The following OR3A2 variants were observed in gnomAD, a reference collection of about 807,000 sequenced individuals.
OR3A2 encodes olfactory receptor family 3 subfamily A member 2, also known as olfactory receptor 3A2.
For missense variants in OR3A2, 318 were observed against 392.8 expected, an observed-to-expected ratio of 0.81 and a Z score of 1.61; for synonymous variants, 126 against 159.3, an observed-to-expected ratio of 0.79 and a Z score of 1.57.
chr17:3,298,540 T>A (rs990500835), intron 3 of OR3A2, among the ~76,000 whole-genome samples: 1 of 152,326 alleles, frequency 6.6e-6, no homozygotes, highest in East Asian at 1.9e-4. Context: ...AGGACGGGCA[T>A]TGGCAACGTG....
chr17:3,332,542 C>T (rs1460500349), intron 3 of OR3A2, among the ~76,000 whole-genome samples: 1 of 152,226 alleles, frequency 6.6e-6, no homozygotes, highest in Non-Finnish European at 1.5e-5. Context: ...TGAGGCAATG[C>T]CTCGCCCTGC....
At chr17:3,343,895 C>T (rs370654810) in intron 2 of OR3A2, among the ~76,000 whole-genome samples, 51 of 152,326 alleles carry the variant, frequency 3.3e-4, no homozygotes, top group Non-Finnish European at 6.6e-4. Flanking sequence ...AACCTAGATT[C>T]ATGCCAACCA....
rs544871842 is a variant in OR3A2, at chr17:3,349,418, A to T, written c.-178-13292T>A. 5.0e-3 allele frequency among the ~76,000 whole-genome samples: 764 copies of T among 151,780 alleles called. 3 individuals are homozygous for T. The highest frequency in any genetic ancestry group is 0.018 in the African/African-American group (729 of 41,454). ...TAAAACAGACTTTAAACCAACAAAG[A>T]TCAAAAGAGACAAAGAAGGCCATTA... is the stretch of plus-strand genomic sequence containing the variant. On this transcript the variant is annotated intron_variant, in intron 2 of 4. Coordinates refer to the OR3A2 transcript ENST00000573491.
At chr17:3,309,514 A>G (rs1052593226) in intron 3 of OR3A2, among the ~76,000 whole-genome samples, 2 of 152,120 alleles carry the variant, frequency 1.3e-5, no homozygotes, top group African/African-American at 4.8e-5. Context: ...CCCACCTGGG[A>G]GCCTAAGCCT....
At chr17:3,358,779 T>C (rs1359368492) in intron 2 of OR3A2, among the ~76,000 whole-genome samples, 3 of 151,794 alleles carry the variant, frequency 2.0e-5, no homozygotes, top group Admixed American at 6.6e-5. Flanking sequence ...GAGTTTTGTA[T>C]AGAAGTCTAT....
chr17:3,340,029 A>G (rs1010191927), intron 2 of OR3A2, among the ~76,000 whole-genome samples: 7 of 151,936 alleles, frequency 4.6e-5, no homozygotes, highest in Admixed American at 3.3e-4. Flanking sequence ...AAATTTATCC[A>G]TTTCTTCTAG....
At chr17:3,340,852 G>A (rs886076032) in intron 2 of OR3A2, among the ~76,000 whole-genome samples, 4 of 152,182 alleles carry the variant, frequency 2.6e-5, no homozygotes, top group African/African-American at 9.7e-5. Flanking sequence ...TCTGTCTAAT[G>A]TTGACAGTGG....
At chr17:3,312,685 C>T (rs1394931436) in intron 3 of OR3A2, among the ~76,000 whole-genome samples, 1 of 152,164 alleles carries the variant, frequency 6.6e-6, no homozygotes, top group Non-Finnish European at 1.5e-5. Context: ...AGTGCAGCGG[C>T]ACGATCTTGG....
At chr17:3,338,406 C>T (rs570404240) in intron 2 of OR3A2, among the ~76,000 whole-genome samples, 23 of 151,946 alleles carry the variant, frequency 1.5e-4, no homozygotes, top group African/African-American at 4.8e-4. Flanking sequence ...TGGTTTTAGG[C>T]CTAATATTTA....
intron 2 of OR3A2, among the ~76,000 whole-genome samples, chr17:3,341,709 T>A (rs2049320507): frequency 6.6e-6 from 1 of 152,180 alleles, no homozygotes. Flanking sequence ...TTTTCTTTCA[T>A]TTCAACCTTG....
intron 3 of OR3A2, among the ~76,000 whole-genome samples, chr17:3,305,857 T>C (rs975007704): frequency 6.6e-6 from 1 of 152,248 alleles, no homozygotes; most frequent in African/African-American, 2.4e-5. Flanking sequence ...GTGGTAATTA[T>C]TTGGTTCGTG....
In OR3A2 at chr17:3,311,601, G is replaced by T; in HGVS notation, c.-85+24432C>A. On this transcript the variant is annotated intron_variant, in intron 3 of 4. Transcript: ENST00000573491. The surrounding 1 kb of genome is among the most constrained non-coding windows in gnomAD (Gnocchi z 4.6). Reference sequence around the variant, plus strand: ...TCAATGGGCAGCTGCTGCTTGTGGGGGCCACCTTCATAGGAGTGATCCCCA... The same window carrying T: ...TCAATGGGCAGCTGCTGCTTGTGGGTGCCACCTTCATAGGAGTGATCCCCA... The T allele has an allele frequency of 2.5e-6, 1 of 395,418 alleles. No homozygotes were observed. Among genetic ancestry groups the T allele is most frequent in the East Asian group, 6.2e-5 (1 of 16,180 alleles). The allele number at this position is 395,418 out of a possible 1,614,324, so 24.5% of individuals were successfully genotyped here. A position where few individuals can be genotyped will look rare whatever the true frequency, so the allele number is the denominator to read the frequency against.
exon 2 of OR3A2, chr17:3,277,781 G>T: frequency 1.6e-6 from 1 of 624,506 alleles, no homozygotes; most frequent in Non-Finnish European, 2.7e-6. Context: ...GATCATAGAG[G>T]TACTCTAATA....
At chr17:3,347,531 G>A (rs898593082) in intron 2 of OR3A2, among the ~76,000 whole-genome samples, 33 of 152,274 alleles carry the variant, frequency 2.2e-4, no homozygotes, top group African/African-American at 7.7e-4. Context: ...TACTGAGAAT[G>A]ATGGTTTCCA....
At chr17:3,370,114 T>C (rs1291679743) in intron 2 of OR3A2, among the ~76,000 whole-genome samples, 4 of 152,188 alleles carry the variant, frequency 2.6e-5, no homozygotes, top group African/African-American at 9.7e-5. Context: ...AATTCTTCTT[T>C]GGATGTCTGA....
chr17:3,318,960 T>A (rs529215920), intron 3 of OR3A2, among the ~76,000 whole-genome samples: 18 of 150,946 alleles, frequency 1.2e-4, no homozygotes, highest in South Asian at 4.2e-4. Context: ...GCATTTTTTT[T>A]AAATAAACCC....
At chr17:3,367,601 G>GTGTGTATATATATATATATATA (rs1555530074) in intron 2 of OR3A2, among the ~76,000 whole-genome samples, 2 of 122,522 alleles carry the variant, frequency 1.6e-5, no homozygotes, top group African/African-American at 7.1e-5. Context: ...GTGTGTGTGT[G>GTGTGTATATATATATATATATA]TATATATATA....
In OR3A2 at chr17:3,378,862, T is replaced by C. The variant is rs994865755; in HGVS notation, c.-179+4942A>G. Among the ~76,000 whole-genome samples, 5 of 152,346 alleles carry C rather than the reference T, an allele frequency of 3.3e-5. No homozygotes were observed. In the South Asian group the frequency reaches 6.2e-4, roughly 19 times the overall value. ...CTTATTGCCAAGCACTGTAACTTGC[T>C]GTGCCCAAGTCTTCTCCCCGCAACC... On this transcript the variant is annotated intron_variant, in intron 2 of 4. Transcript: ENST00000573491.
chr17:3,381,203 C>G (rs1004298170), intron 2 of OR3A2, among the ~76,000 whole-genome samples: 2 of 151,640 alleles, frequency 1.3e-5, no homozygotes, highest in Non-Finnish European at 2.9e-5. Context: ...CCGTGTGTGT[C>G]TGTGTGCAAG....
Sources: gnomAD v4.1 joint callset for allele counts (sites outside exome capture counted in the v4.1 genomes callset) on GRCh38, gnomAD v4.1.1 for gene constraint, Gnocchi (gnomAD v3.1) non-coding constraint, MANE v1.5 for transcripts, NCBI Gene and HGNC (gene_info 2026-07-23, HGNC 2026-07-21) for gene names.